ACSL3: variants seen among roughly 807,000 people sequenced by gnomAD.
ACSL3 encodes fatty acid CoA ligase Acsl3.
ACSL3 carries 34 observed loss-of-function variants against 84.7 expected under a neutral mutation model. The observed-to-expected ratio is 0.40, with a 90% CI of 0.31 to 0.53. The LOEUF (loss-of-function observed/expected upper bound fraction) is 0.53, where lower values mean the gene tolerates loss of function less well. ACSL3 is among the 20% of genes least tolerant of loss of function. The pLI, the probability that ACSL3 is intolerant of heterozygous loss-of-function variation, is 0.48. For missense variants in ACSL3, 680 were observed against 873.1 expected (o/e 0.78, Z 2.79); for synonymous variants, 315 against 299.4 (o/e 1.05, Z -0.54).
intron 3 of ACSL3, among the ~76,000 whole-genome samples, chr2:222,904,305 A>G (rs1019597832): frequency 2.0e-5 from 3 of 151,262 alleles, no homozygotes; most frequent in Admixed American, 6.6e-5. Flanking sequence ...AAAAACAATT[A>G]TGGTCATTTT....
At chr2:222,871,332 G>A (rs1412072693) in intron 1 of ACSL3, among the ~76,000 whole-genome samples, 1 of 152,122 alleles carries the variant, frequency 6.6e-6, no homozygotes, top group Non-Finnish European at 1.5e-5. Flanking sequence ...GGGATAGCTG[G>A]GATCTCCTCA....
At chr2:222,885,461 C>A (rs1222341300) in intron 1 of ACSL3, among the ~76,000 whole-genome samples, 1 of 152,022 alleles carries the variant, frequency 6.6e-6, no homozygotes, top group Non-Finnish European at 1.5e-5. Context: ...TGAGGTTAAC[C>A]ATTTTTAATA....
intron 7 of ACSL3, 117 bp downstream of exon 7, chr2:222,919,319 A>G (rs1696669662): frequency 5.5e-6 from 7 of 1,264,506 alleles, no homozygotes; most frequent in South Asian, 4.9e-5. Context: ...TTCTAACATC[A>G]GTTAGGAAAA....
chr2:222,909,776 A>G (rs574545201), intron 4 of ACSL3: 1 of 152,528 alleles, frequency 6.6e-6, no homozygotes, highest in South Asian at 2.1e-4. Context: ...TTTTTCTGTA[A>G]TATGAAGATA....
intron 10 of ACSL3, among the ~76,000 whole-genome samples, chr2:222,923,459 C>A (rs1696791992): frequency 6.6e-6 from 1 of 152,090 alleles, no homozygotes; most frequent in Non-Finnish European, 1.5e-5. Flanking sequence ...CACTTGAAGC[C>A]TATTGAGAGC....
intron 5 of ACSL3, 168 bp downstream of exon 5, chr2:222,916,664 T>C (rs1243150112): frequency 1.5e-6 from 1 of 674,262 alleles, no homozygotes; most frequent in Non-Finnish European, 2.3e-6. Flanking sequence ...AATAAATCAA[T>C]TATATGACAA....
intron 1 of ACSL3, among the ~76,000 whole-genome samples, chr2:222,864,489 C>G (rs1240300920): frequency 3.3e-5 from 5 of 151,766 alleles, no homozygotes; most frequent in African/African-American, 9.7e-5. Context: ...CAGCCAGAAA[C>G]AGATGTTCCT....
At chr2:222,898,054 T>A (rs1696032686) in intron 2 of ACSL3, among the ~76,000 whole-genome samples, 1 of 152,246 alleles carries the variant, frequency 6.6e-6, no homozygotes, top group African/African-American at 2.4e-5. Flanking sequence ...TCTTTTCAAG[T>A]TTAAGGTCAG....
rs1226847528 is a variant in ACSL3, at chr2:222,861,134, C to T, written c.-331C>T. On this transcript the variant is annotated 5_prime_UTR_variant, in exon 1 of 17. Coordinates refer to ENST00000357430, the MANE Select transcript of ACSL3 (RefSeq NM_004457.5). ...TGGACGGGGTCGCATACGTTCGTCC[C>T]CTCGCATTGCGGCCCCGACAGCTGC... 1 of 152,332 alleles carries T rather than the reference C, an allele frequency of 6.6e-6. No homozygotes were observed. The highest frequency in any genetic ancestry group is 1.5e-5 in the Non-Finnish European group (1 of 68,134). 9.4% of individuals were successfully genotyped at this position (152,332 alleles called of 1,614,324 possible).
intron 11 of ACSL3, among the ~76,000 whole-genome samples, chr2:222,925,138 A>G (rs570535852): frequency 1.3e-5 from 2 of 152,156 alleles, no homozygotes; most frequent in African/African-American, 4.8e-5. Flanking sequence ...GGAATTCAAG[A>G]CCAGCCTGGC....
At chr2:222,926,588 G>T (rs1291447798) in intron 11 of ACSL3, among the ~76,000 whole-genome samples, 1 of 152,058 alleles carries the variant, frequency 6.6e-6, no homozygotes, top group African/African-American at 2.4e-5. Flanking sequence ...TTCAAAAACA[G>T]ATTGTGGTAT....
intron 11 of ACSL3, among the ~76,000 whole-genome samples, chr2:222,925,753 G>T (rs1275388591): frequency 6.6e-6 from 1 of 152,008 alleles, no homozygotes; most frequent in African/African-American, 2.4e-5. Flanking sequence ...TTGAGAAATA[G>T]TTTCTCTTTT....
chr2:222,870,687 AAAGGCAGAG>A (rs1398770151), intron 1 of ACSL3, among the ~76,000 whole-genome samples: 1 of 152,242 alleles, frequency 6.6e-6, no homozygotes, highest in African/African-American at 2.4e-5. Context: ...CAAAATGAGC[AAAGGCAGAG>A]AAGACAGGTA....
chr2:222,937,619 C>T (rs1697208905), intron 16 of ACSL3, among the ~76,000 whole-genome samples: 1 of 151,972 alleles, frequency 6.6e-6, no homozygotes, highest in Non-Finnish European at 1.5e-5. Flanking sequence ...TAAGTATGGC[C>T]ATCCCCTTTA....
intron 1 of ACSL3, among the ~76,000 whole-genome samples, chr2:222,875,718 G>A (rs1177204313): frequency 6.6e-6 from 1 of 152,066 alleles, no homozygotes; most frequent in African/African-American, 2.4e-5. Context: ...GCTGCTTGAC[G>A]GGTTGTTGAA....
In ACSL3 at chr2:222,916,210, C is replaced by T. The variant is rs183486997; in HGVS notation, c.379-109C>T. 688 of 652,348 alleles carry T rather than the reference C, an allele frequency of 1.1e-3. 11 individuals are homozygous for T. In the Admixed American group the frequency reaches 0.02, roughly 19 times the overall value. 40.4% of individuals were successfully genotyped at this position (652,348 alleles called of 1,614,324 possible). On this transcript the variant is annotated intron_variant, in intron 4 of 16. Transcript: ENST00000357430. ...CTGGCTTTTTATTAAAAAGATAATT[C>T]TATGCAAACGTAACTTTCTGGTTCA... is the stretch of plus-strand genomic sequence containing the variant.
At chr2:222,874,222 A>T (rs929694239) in intron 1 of ACSL3, among the ~76,000 whole-genome samples, 4 of 152,044 alleles carry the variant, frequency 2.6e-5, no homozygotes, top group Non-Finnish European at 5.9e-5. Flanking sequence ...ACCAGGCTTC[A>T]CTATGTTGGC....
rs1696777283 is a variant in ACSL3 at position 222,922,860 on chromosome 2, C to T, written c.1080+29C>T. 2.5e-6 allele frequency: 4 copies of T among 1,611,962 alleles called. No homozygotes were observed. In the African/African-American group the frequency reaches 4.0e-5, roughly 16 times the overall value. On this transcript the variant is annotated intron_variant, in intron 9 of 16. Transcript: ENST00000357430. ...AGTTCAGTGTCTGTGACTTGAAATA[C>T]TAAAAAATCATAGTGAATTGTAATG...
At chr2:222,867,369 C>G (rs896977634) in intron 1 of ACSL3, among the ~76,000 whole-genome samples, 1 of 152,188 alleles carries the variant, frequency 6.6e-6, no homozygotes, top group Non-Finnish European at 1.5e-5. Flanking sequence ...TCCTTTCCCC[C>G]AAATCTTACA....
Sources: gnomAD v4.1 joint callset for allele counts (sites outside exome capture counted in the v4.1 genomes callset) on GRCh38, gnomAD v4.1.1 for gene constraint, MANE v1.5 for transcripts, NCBI Gene and HGNC (gene_info 2026-07-23, HGNC 2026-07-21) for gene names.